The following MS4A15 variants were observed in gnomAD, a reference collection of about 807,000 sequenced individuals.
MS4A15 encodes membrane spanning 4-domains A15.
Under a neutral mutation model 20.6 loss-of-function variants are expected in MS4A15, and 22 were observed. That is an observed-to-expected ratio of 1.07 (90% CI 0.76 to 1.52). MS4A15 has a LOEUF of 1.52. Ranked by LOEUF, MS4A15 falls within the 40% of genes most tolerant of loss-of-function variation. The probability of loss-of-function intolerance (pLI) is 0.00; values close to 1 mark genes in which losing one functional copy is unlikely to be tolerated. For missense variants in MS4A15, 312 were observed against 323.0 expected (o/e 0.97, Z 0.26); for synonymous variants, 129 against 129.3 (o/e 1.00, Z 0.02).
At chr11:60,771,381 T>C (rs1854037982) in intron 4 of MS4A15, 34 bp downstream of exon 4, 3 of 1,613,302 alleles carry the variant, frequency 1.9e-6, no homozygotes, top group Non-Finnish European at 2.5e-6. Flanking sequence ...GGGGCGGGGA[T>C]GAAGCCACAG....
intron 1 of MS4A15, among the ~76,000 whole-genome samples, chr11:60,760,728 A>G (rs2134700382): frequency 6.6e-6 from 1 of 152,326 alleles, no homozygotes; most frequent in East Asian, 1.9e-4. Flanking sequence ...AAACAAGCTC[A>G]TCAAACTCGT....
chr11:60,760,010 G>A (rs72912879), intron 1 of MS4A15, among the ~76,000 whole-genome samples: 5,155 of 152,246 alleles, frequency 0.034, 114 homozygotes, highest in Non-Finnish European at 0.05. Flanking sequence ...TGGGCCCACC[G>A]TTCTTTCTCT....
At position 60,763,789 on chromosome 11, in the gene MS4A15, C is replaced by A. The variant is rs199789768; in HGVS notation, c.56C>A (p.Ala19Asp). The change falls in exon 2 of 7, where the codon GCC becomes GAC. Residue 19 changes from alanine (A) to aspartate (D), a missense_variant. Coordinates refer to ENST00000405633, the MANE Select transcript of MS4A15 (RefSeq NM_001098835.2). ...TTTGTTGTCATCCCGCCAAACAACG[C>A]CAGTGGCCTCTGCCCACCTCCGGCC... ...GVFVVIPPNN[A>D]SGLCPPPAIL... 1.6e-4 allele frequency: 253 copies of A among 1,612,288 alleles called. No individual in the cohort carries two copies. Among genetic ancestry groups the A allele is most frequent in the Non-Finnish European group, 2.0e-4 (234 of 1,179,908 alleles).
chr11:60,767,705 T>C, intron 3 of MS4A15, 50 bp downstream of exon 3: 1 of 1,487,664 alleles, frequency 6.7e-7, no homozygotes, highest in Non-Finnish European at 9.0e-7. Context: ...CTGCCCAGGC[T>C]CACCTCTCCC....
chr11:60,775,602 C>T lies in MS4A15; in HGVS notation c.613-3C>T, dbSNP rs1223731520. On this transcript the variant is annotated splice_region_variant and splice_polypyrimidine_tract_variant and intron_variant, in intron 6 of 6. Coordinates refer to ENST00000405633, the MANE Select transcript of MS4A15 (RefSeq NM_001098835.2). ...AGGACGCTCAGTGCTGTTTTCTTTG[C>T]AGCCTGTGATCTTCCTGCCAAACGC... The T allele has an allele frequency of 1.9e-6, 3 of 1,613,322 alleles. No homozygotes were observed.
intron 3 of MS4A15, among the ~76,000 whole-genome samples, chr11:60,769,055 C>A (rs1177047337): frequency 6.6e-6 from 1 of 152,100 alleles, no homozygotes; most frequent in Non-Finnish European, 1.5e-5. Context: ...TCGGGAGAAC[C>A]CATGGGGAGA....
intron 4 of MS4A15, 170 bp downstream of exon 4, chr11:60,771,517 A>G (rs755930896): frequency 1.1e-4 from 163 of 1,535,592 alleles, no homozygotes; most frequent in Non-Finnish European, 6.1e-5. Flanking sequence ...CAGACTGTGC[A>G]TGTCCAGGAG....
intron 1 of MS4A15, among the ~76,000 whole-genome samples, chr11:60,758,994 G>A (rs1046550289): frequency 2.0e-5 from 3 of 152,182 alleles, no homozygotes; most frequent in East Asian, 3.8e-4. Context: ...TAGTGATTCC[G>A]CTTATGCGGT....
At chr11:60,771,262 G>T (rs376972455) in intron 3 of MS4A15, 29 bp from the exon 4 acceptor site, 3 of 1,612,424 alleles carry the variant, frequency 1.9e-6, no homozygotes, top group Admixed American at 1.7e-5. Context: ...CCTGGCTGAG[G>T]CCTCACCTGG....
intron 2 of MS4A15, 54 bp downstream of exon 2, chr11:60,764,012 G>A (rs376422511): frequency 1.5e-5 from 23 of 1,486,886 alleles, no homozygotes; most frequent in Middle Eastern, 2.3e-4. Flanking sequence ...TCCCAGCACC[G>A]GAACATTCAT....
chr11:60,775,495 G>C, intron 6 of MS4A15, 110 bp from the exon 7 acceptor site: 1 of 814,360 alleles, frequency 1.2e-6, no homozygotes, highest in Non-Finnish European at 2.0e-6. Context: ...CAGACTTGCG[G>C]AATTCAGTAC....
chr11:60,759,002 G>T (rs181437142), intron 1 of MS4A15, among the ~76,000 whole-genome samples: 3 of 152,312 alleles, frequency 2.0e-5, no homozygotes, highest in Middle Eastern at 3.4e-3. Flanking sequence ...CCGCTTATGC[G>T]GTGTGTAGTA....
At chr11:60,773,589 G>T in intron 5 of MS4A15, 105 bp downstream of exon 5, 2 of 1,002,938 alleles carry the variant, frequency 2.0e-6, no homozygotes, top group Admixed American at 1.9e-5. Context: ...CGTTGGCAGG[G>T]CCTGCCAGTC....
rs190846006 is a variant in MS4A15, at chr11:60,766,869, C to T, written c.226-664C>T. Among the ~76,000 whole-genome samples the T allele has an allele frequency of 7.9e-5, 12 of 152,310 alleles. No individual in the cohort carries two copies. In the East Asian group the frequency reaches 2.3e-3, roughly 29 times the overall value. On this transcript the variant is annotated intron_variant, in intron 2 of 6. Transcript: ENST00000405633. ...CGGAGCCGGAAGTGGCTCCTGGGCTCCCAGGGCTGGATTCCAGCGGTCTTC... is the reference window on the plus strand; with the variant it reads ...CGGAGCCGGAAGTGGCTCCTGGGCTTCCAGGGCTGGATTCCAGCGGTCTTC...
Position 60,773,423 on chromosome 11 carries a change from G to T in MS4A15, c.437G>T (p.Ser146Ile). Residue 146 changes from serine to isoleucine, a missense_variant, in exon 5 of 7, where the codon AGC (serine) becomes ATC (isoleucine). Ser to Ile is a moderately radical substitution (Grantham distance 142). Transcript: ENST00000405633. The part of the protein sequence containing the change: ...VRSSLGTNIL[S>I]VMAAFAGTAI... Reference sequence around the variant, plus strand: ...AGCAGCCTGGGCACCAACATCCTCAGCGTCATGGCGGCCTTTGCTGGGACA... The same window carrying T: ...AGCAGCCTGGGCACCAACATCCTCATCGTCATGGCGGCCTTTGCTGGGACA... The T allele has an allele frequency of 6.2e-7, 1 of 1,613,660 alleles. No homozygotes were observed. Among genetic ancestry groups the T allele is most frequent in the Non-Finnish European group, 8.5e-7 (1 of 1,179,944 alleles).
intron 4 of MS4A15, 58 bp downstream of exon 4, chr11:60,771,405 T>C: frequency 6.2e-7 from 1 of 1,606,368 alleles, no homozygotes; most frequent in Non-Finnish European, 8.5e-7. Flanking sequence ...AATCTCACTC[T>C]ACCCTGCCCC....
chr11:60,775,750 C>T lies in MS4A15; in HGVS notation c.*35C>T, dbSNP rs11826466. 907 of 1,561,692 alleles carry T rather than the reference C, an allele frequency of 5.8e-4. 8 individuals carry two copies. In the African/African-American group the frequency reaches 0.011, roughly 19 times the overall value. On this transcript the variant is annotated 3_prime_UTR_variant, in exon 7 of 7. Coordinates refer to ENST00000405633, the MANE Select transcript of MS4A15 (RefSeq NM_001098835.2). The stretch of plus-strand genomic sequence containing the variant: ...GTGGCACCTGCGGGTGGAGTCCAGC[C>T]TTTTCCCTCTGGGCCCAGCCTCTCC...
chr11:60,764,492 T>C (rs971082374), intron 2 of MS4A15, among the ~76,000 whole-genome samples: 1 of 152,204 alleles, frequency 6.6e-6, no homozygotes, highest in Non-Finnish European at 1.5e-5. Flanking sequence ...ACATGAAGGA[T>C]TTCAATCTCA....
At chr11:60,761,104 T>G (rs1285805258) in intron 1 of MS4A15, among the ~76,000 whole-genome samples, 1 of 152,182 alleles carries the variant, frequency 6.6e-6, no homozygotes, top group Non-Finnish European at 1.5e-5. Context: ...TATTTCATGG[T>G]GGGATGCTGA....
Sources: allele counts gnomAD v4.1 joint callset (sites outside exome capture counted in the v4.1 genomes callset), GRCh38; gene constraint gnomAD v4.1.1; transcripts MANE v1.5; gene names NCBI Gene and HGNC (gene_info 2026-07-23, HGNC 2026-07-21).